The following PICALM variants were observed in gnomAD, a reference collection of about 807,000 sequenced individuals.
PICALM encodes phosphatidylinositol-binding clathrin assembly protein.
PICALM carries 40 observed loss-of-function variants against 80.5 expected under a neutral mutation model. That is an observed-to-expected ratio of 0.50 (90% CI 0.39 to 0.65). The LOEUF (loss-of-function observed/expected upper bound fraction) is 0.65, where lower values mean the gene tolerates loss of function less well. Ranked by LOEUF, PICALM falls within the 30% of genes least tolerant of loss-of-function variation. The pLI is 0.00. For synonymous variants in PICALM, 288 were observed against 260.3 expected (o/e 1.11, Z -1.02); for missense variants, 676 against 778.9 (o/e 0.87, Z 1.57).
chr11:86,053,073 T>C (rs2096215938), intron 1 of PICALM, among the ~76,000 whole-genome samples: 1 of 152,256 alleles, frequency 6.6e-6, no homozygotes, highest in Admixed American at 6.5e-5. Context: ...TCACATTGTC[T>C]GGCAATACAG....
intron 1 of PICALM, among the ~76,000 whole-genome samples, chr11:86,062,536 A>G (rs780848997): frequency 6.6e-6 from 1 of 151,896 alleles, no homozygotes; most frequent in Admixed American, 6.6e-5. Context: ...AAAAAACCCT[A>G]ATGTAAACCA....
chr11:85,983,955 A>G lies in PICALM; in HGVS notation c.1427T>C (p.Val476Ala), dbSNP rs569248629. Residue 476 changes from valine to alanine, a missense_variant, in exon 14 of 20, where the codon GTT becomes GCT. Transcript: ENST00000393346. ...GCCAGCTGAAGGGTGTGGCTGTGCAACTGGAGAAGGAGTGAATCCTGAGTA... is the reference window on the plus strand; with the variant it reads ...GCCAGCTGAAGGGTGTGGCTGTGCAGCTGGAGAAGGAGTGAATCCTGAGTA... ...EMFVGFTPSP[V>A]AQPHPSAGLN... is the part of the protein sequence containing the mutation. The G allele has an allele frequency of 4.0e-5, 63 of 1,588,188 alleles. No homozygotes were observed. The South Asian group carries it at 4.5e-4, about 11-fold the overall frequency.
chr11:86,050,804 G>C (rs1359262872), intron 1 of PICALM, among the ~76,000 whole-genome samples: 1 of 149,902 alleles, frequency 6.7e-6, no homozygotes, highest in Non-Finnish European at 1.5e-5. Flanking sequence ...AAGGTAGAAA[G>C]AAACTCCCTT....
At position 85,976,663 on chromosome 11, in the gene PICALM, T is replaced by A. The variant is rs145178573; in HGVS notation, c.1799A>T (p.Tyr600Phe). 441 of 1,602,092 alleles carry A rather than the reference T, an allele frequency of 2.8e-4. 2 individuals are homozygous for A. The highest frequency in any genetic ancestry group is 2.0e-4 in the East Asian group (9 of 44,766). The change falls in exon 18 of 20, where the codon TAT (tyrosine) becomes TTT (phenylalanine). Residue 600 changes from tyrosine (Y) to phenylalanine (F), a missense_variant. By Grantham distance (22) the Tyr-to-Phe change is conservative. Transcript: ENST00000393346. ...CATGCCTGTTGGTGTAGTAGCAGGA[T>A]AGGCCATTACAGGGGGTGCCTAACA... ...AATMAPPVMA[Y>F]PATTPTGMIG...
chr11:85,991,181 A>AT (rs2094764365), intron 12 of PICALM, among the ~76,000 whole-genome samples: 1 of 152,186 alleles, frequency 6.6e-6, no homozygotes, highest in Non-Finnish European at 1.5e-5. Flanking sequence ...ACTGAAATCT[A>AT]TTTTTCCTTA....
intron 11 of PICALM, among the ~76,000 whole-genome samples, chr11:86,000,380 A>G (rs193003213): frequency 1.5e-4 from 23 of 152,372 alleles, no homozygotes; most frequent in African/African-American, 5.3e-4. Flanking sequence ...TTTTTACACA[A>G]TGAAAAGTTG....
intron 11 of PICALM, among the ~76,000 whole-genome samples, chr11:85,998,242 G>T (rs1026336453): frequency 6.6e-5 from 10 of 152,006 alleles, no homozygotes; most frequent in African/African-American, 2.2e-4. Flanking sequence ...CTGCCAAGTA[G>T]CTGGGACTAC....
At chr11:86,009,175 C>T (rs1362675018) in intron 7 of PICALM, among the ~76,000 whole-genome samples, 1 of 150,378 alleles carries the variant, frequency 6.6e-6, no homozygotes, top group Non-Finnish European at 1.5e-5. Flanking sequence ...CACCTGTAAT[C>T]CCAGCTACCC....
intron 8 of PICALM, chr11:86,003,895 T>A (rs2095216145): frequency 6.6e-6 from 1 of 152,640 alleles, no homozygotes; most frequent in Non-Finnish European, 1.5e-5. Context: ...AAAATCACAA[T>A]GAGATACACC....
intron 19 of PICALM, among the ~76,000 whole-genome samples, chr11:85,965,256 A>G (rs915863310): frequency 6.6e-6 from 1 of 152,202 alleles, no homozygotes; most frequent in Non-Finnish European, 1.5e-5. Context: ...GCCAAATCCC[A>G]GTACGCTGAT....
At chr11:85,982,338 A>T (rs886169552) in intron 14 of PICALM, among the ~76,000 whole-genome samples, 3 of 151,520 alleles carry the variant, frequency 2.0e-5, no homozygotes, top group African/African-American at 4.9e-5. Flanking sequence ...AGACTCACTT[A>T]TATCTAAAGC....
chr11:86,067,544 G>A (rs1327384056), intron 1 of PICALM, among the ~76,000 whole-genome samples: 1 of 152,162 alleles, frequency 6.6e-6, no homozygotes, highest in Non-Finnish European at 1.5e-5. Flanking sequence ...CTACGTTAGC[G>A]AATGGACGAA....
At chr11:86,016,382 G>A (rs1230362546) in intron 4 of PICALM, among the ~76,000 whole-genome samples, 1 of 151,992 alleles carries the variant, frequency 6.6e-6, no homozygotes, top group Non-Finnish European at 1.5e-5. Flanking sequence ...CAGCTGCTTT[G>A]GTCACATATC....
intron 3 of PICALM, among the ~76,000 whole-genome samples, chr11:86,025,538 C>G (rs2095636489): frequency 2.7e-3 from 1 of 364 alleles, no homozygotes. Context: ...ACAATGAAAG[C>G]AAATATTACA....
At chr11:86,061,348 A>G (rs1406869440) in intron 1 of PICALM, among the ~76,000 whole-genome samples, 2 of 149,126 alleles carry the variant, frequency 1.3e-5, no homozygotes, top group South Asian at 2.1e-4. Flanking sequence ...AAAAAAAAAA[A>G]AAAAAAAGAA....
rs374608856 is a variant in PICALM at position 85,983,935 on chromosome 11, C to A, written c.1447G>T (p.Ala483Ser). ...PSPVAQPHPS[A>S]GLNVDFESVF... The stretch of plus-strand genomic sequence containing the variant: ...GATTCAAAGTCAACATTAAGGCCAG[C>A]TGAAGGGTGTGGCTGTGCAACTGGA... The change falls in exon 14 of 20, where the codon GCT becomes TCT. Residue 483 changes from alanine (A) to serine (S), a missense_variant. Coordinates refer to ENST00000393346, the MANE Select transcript of PICALM (RefSeq NM_007166.4). 4.9e-5 allele frequency: 79 copies of A among 1,604,490 alleles called. No individual in the cohort carries two copies. The highest frequency in any genetic ancestry group is 6.3e-5 in the Non-Finnish European group (74 of 1,172,682).
Position 85,958,570 on chromosome 11 carries a change from T to C in PICALM, c.*476A>G, listed in dbSNP as rs2093588302. 1 of 218,266 alleles carries C rather than the reference T, an allele frequency of 4.6e-6. No homozygotes were observed. The allele number at this position is 218,266 out of a possible 1,614,324, so 13.5% of individuals were successfully genotyped here. On this transcript the variant is annotated 3_prime_UTR_variant, in exon 20 of 20. Transcript: ENST00000393346. ...TTTTTTAAAAAAAGAAAAGTTAATT[T>C]CAGTTATTGTTTCTGTATTTGTGAG...
chr11:86,016,602 C>A (rs1241738894), intron 4 of PICALM, among the ~76,000 whole-genome samples: 1 of 152,188 alleles, frequency 6.6e-6, no homozygotes, highest in Non-Finnish European at 1.5e-5. Flanking sequence ...ACTATCCTGG[C>A]TGAGCAAACA....
chr11:86,042,800 G>A (rs2137089770), intron 1 of PICALM, among the ~76,000 whole-genome samples: 1 of 144,978 alleles, frequency 6.9e-6, no homozygotes, highest in East Asian at 1.9e-4. Context: ...GTCCAGAGTG[G>A]GGGCAGAAAA....
Sources: gnomAD v4.1 joint callset for allele counts (sites outside exome capture counted in the v4.1 genomes callset) on GRCh38, gnomAD v4.1.1 for gene constraint, MANE v1.5 for transcripts, NCBI Gene and HGNC (gene_info 2026-07-23, HGNC 2026-07-21) for gene names.